The following NPFFR1 variants were observed in gnomAD, a reference collection of about 807,000 sequenced individuals.
NPFFR1 encodes the protein G-protein coupled receptor 147.
A neutral mutation model predicts 12.7 loss-of-function variants in NPFFR1; 17 were observed. The ratio of observed to expected loss-of-function variants is 1.34; its 90% CI spans 0.92 to 2.01. The LOEUF is 2.01. Ranked by LOEUF, NPFFR1 falls within the 30% of genes most tolerant of loss-of-function variation. NPFFR1 has a pLI of 0.00. For synonymous variants in NPFFR1, 296 were observed against 264.5 expected (o/e 1.12, Z -1.16); for missense variants, 604 against 606.5 (o/e 1.00, Z 0.04).
Position 70,253,996 on chromosome 10 carries a change from T to A in NPFFR1, c.*961A>T, listed in dbSNP as rs1196317815. ...GCTGCAGCTTCAGTTGACCAACTTC[T>A]CCCTCCCAGGAAGCAGGGAGGAGAG... On this transcript the variant is annotated 3_prime_UTR_variant, in exon 4 of 4. Coordinates refer to ENST00000277942, the MANE Select transcript of NPFFR1 (RefSeq NM_022146.5). The A allele has an allele frequency of 6.6e-6, 1 of 152,168 alleles. No individual in the cohort carries two copies. Among genetic ancestry groups the A allele is most frequent in the African/African-American group, 2.4e-5 (1 of 41,416 alleles). 9.4% of individuals were successfully genotyped at this position (152,168 alleles called of 1,614,324 possible). A position where few individuals can be genotyped will look rare whatever the true frequency, so the allele number is the denominator to read the frequency against.
At chr10:70,269,755 C>T (rs904193109) in intron 1 of NPFFR1, among the ~76,000 whole-genome samples, 8 of 152,180 alleles carry the variant, frequency 5.3e-5, no homozygotes, top group African/African-American at 1.9e-4. Context: ...AGGTGATCCA[C>T]CTGCCTCAGC....
At chr10:70,278,024 G>A in intron 1 of NPFFR1, 1 of 516,954 alleles carries the variant, frequency 1.9e-6, no homozygotes, top group Non-Finnish European at 3.9e-6. Flanking sequence ...AGTCAGTCAT[G>A]AGACCTGTCA....
At chr10:70,277,817 C>T (rs2136810017) in intron 1 of NPFFR1, 1 of 452,496 alleles carries the variant, frequency 2.2e-6, no homozygotes, top group South Asian at 1.6e-5. Context: ...ACTTGTCCCA[C>T]AGCATAACAT....
chr10:70,257,048 C>T (rs1429841460), intron 3 of NPFFR1, among the ~76,000 whole-genome samples: 5 of 152,196 alleles, frequency 3.3e-5, no homozygotes, highest in African/African-American at 1.2e-4. Context: ...AGGAGGATCA[C>T]TTGAACCCAG....
rs1238560215 is a variant in NPFFR1, at chr10:70,253,643, G to C, written c.*1314C>G. 2 of 152,174 alleles carry C rather than the reference G, an allele frequency of 1.3e-5. No homozygotes were observed. Among genetic ancestry groups the C allele is most frequent in the African/African-American group, 4.8e-5 (2 of 41,436 alleles). The allele number at this position is 152,174 out of a possible 1,614,324, so 9.4% of individuals were successfully genotyped here. On this transcript the variant is annotated 3_prime_UTR_variant, in exon 4 of 4. Transcript: ENST00000277942. ...AACAGTAAACAGTCACTGTGTGTCG[G>C]TTAAGGGAACAGAGCCTCAGAGCCC...
chr10:70,274,132 C>A (rs961252081), intron 1 of NPFFR1, among the ~76,000 whole-genome samples: 2 of 152,178 alleles, frequency 1.3e-5, no homozygotes, highest in African/African-American at 4.8e-5. Context: ...GAGCTGGCCC[C>A]ATGGTGGTCA....
chr10:70,264,251 G>T (rs1243138417), intron 2 of NPFFR1, among the ~76,000 whole-genome samples: 1 of 150,966 alleles, frequency 6.6e-6, no homozygotes, highest in African/African-American at 2.4e-5. Flanking sequence ...GCAGAAGCCT[G>T]TAATCCTAGC....
intron 1 of NPFFR1, among the ~76,000 whole-genome samples, chr10:70,267,464 G>A (rs1840705638): frequency 6.6e-6 from 1 of 152,136 alleles, no homozygotes; most frequent in African/African-American, 2.4e-5. Flanking sequence ...TAAGGTGTTA[G>A]CTTCATTTGA....
At chr10:70,261,664 T>C (rs1218256098) in intron 2 of NPFFR1, among the ~76,000 whole-genome samples, 1 of 152,218 alleles carries the variant, frequency 6.6e-6, no homozygotes, top group African/African-American at 2.4e-5. Context: ...TTCTCGACAC[T>C]GGCTGCTCAC....
At chr10:70,279,273 A>G (rs991075213) in intron 1 of NPFFR1, among the ~76,000 whole-genome samples, 2 of 152,002 alleles carry the variant, frequency 1.3e-5, no homozygotes, top group Non-Finnish European at 2.9e-5. Flanking sequence ...CAGCCTCCCA[A>G]GTAGCTGGGA....
In NPFFR1 at chr10:70,265,473, C is replaced by T. The variant is rs79104549; in HGVS notation, c.322+604G>A. On this transcript the variant is annotated intron_variant, in intron 2 of 3. Transcript: ENST00000277942. Reference sequence around the variant, plus strand: ...GAGGTCAAGTGGTCCACTGAGTGGCCGGCCAGTCCCTGCTTAGACACTCCA... The same window carrying T: ...GAGGTCAAGTGGTCCACTGAGTGGCTGGCCAGTCCCTGCTTAGACACTCCA... 9.4e-3 allele frequency among the ~76,000 whole-genome samples: 1,424 copies of T among 152,260 alleles called. 22 individuals are homozygous for T. The highest frequency in any genetic ancestry group is 0.033 in the African/African-American group (1,356 of 41,552).
intron 1 of NPFFR1, among the ~76,000 whole-genome samples, chr10:70,280,774 C>G (rs756408699): frequency 6.6e-6 from 1 of 152,090 alleles, no homozygotes; most frequent in Non-Finnish European, 1.5e-5. Flanking sequence ...AGGGCCGAGG[C>G]GGGCAGATCA....
At chr10:70,256,555 T>C (rs2136791680) in intron 3 of NPFFR1, among the ~76,000 whole-genome samples, 1 of 152,380 alleles carries the variant, frequency 6.6e-6, no homozygotes, top group African/African-American at 2.4e-5. Context: ...AGGCTGTCCC[T>C]ATGTCATCTT....
At chr10:70,281,013 A>G (rs1268046989) in intron 1 of NPFFR1, among the ~76,000 whole-genome samples, 1 of 152,164 alleles carries the variant, frequency 6.6e-6, no homozygotes, top group African/African-American at 2.4e-5. Flanking sequence ...AACAACAACA[A>G]CAACAACAAC....
At chr10:70,274,784 A>G (rs1363579218) in intron 1 of NPFFR1, among the ~76,000 whole-genome samples, 1 of 152,220 alleles carries the variant, frequency 6.6e-6, no homozygotes, top group East Asian at 1.9e-4. Flanking sequence ...AGAACTTCAG[A>G]CTGCTTATTG....
At position 70,283,572 on chromosome 10, in the gene NPFFR1, T is replaced by A. The variant is rs924366835; in HGVS notation, c.7+98A>T. 7 of 1,179,240 alleles carry A rather than the reference T, an allele frequency of 5.9e-6. No homozygotes were observed. The African/African-American group carries it at 1.1e-4, about 18-fold the overall frequency. The allele number at this position is 1,179,240 out of a possible 1,614,324, so 73.0% of individuals were successfully genotyped here. A position where few individuals can be genotyped will look rare whatever the true frequency, so the allele number is the denominator to read the frequency against. On this transcript the variant is annotated intron_variant, in intron 1 of 3. Transcript: ENST00000277942. ...CACAACGTCTGGCTCTGGACAGCCA[T>A]GGGTGATCAGCTGCCCGGCCCTCTC... is the stretch of plus-strand genomic sequence containing the variant.
chr10:70,279,175 CGA>C (rs1431183061), intron 1 of NPFFR1, among the ~76,000 whole-genome samples: 1 of 151,886 alleles, frequency 6.6e-6, no homozygotes, highest in Non-Finnish European at 1.5e-5. Flanking sequence ...TATGTGTGAC[CGA>C]GTCTCGCTCT....
chr10:70,270,331 G>T (rs1290750851), intron 1 of NPFFR1, among the ~76,000 whole-genome samples: 1 of 152,130 alleles, frequency 6.6e-6, no homozygotes, highest in Non-Finnish European at 1.5e-5. Context: ...CCCATGAGAG[G>T]CATCACTCAT....
intron 1 of NPFFR1, among the ~76,000 whole-genome samples, chr10:70,279,843 C>A (rs185203225): frequency 6.6e-6 from 1 of 152,256 alleles, no homozygotes; most frequent in Admixed American, 6.5e-5. Flanking sequence ...AAAAGAAAAC[C>A]ATTTCTTCTG....
Sources: allele counts gnomAD v4.1 joint callset (sites outside exome capture counted in the v4.1 genomes callset), GRCh38; gene constraint gnomAD v4.1.1; transcripts MANE v1.5; gene names NCBI Gene and HGNC (gene_info 2026-07-23, HGNC 2026-07-21).